MARCHF4: variants seen among roughly 807,000 people sequenced by gnomAD.
MARCHF4 encodes E3 ubiquitin-protein ligase MARCHF4.
In MARCHF4, 14 loss-of-function variants were observed where a neutral mutation model predicts 43.9. The ratio of observed to expected loss-of-function variants is 0.32; its 90% confidence interval spans 0.21 to 0.50. MARCHF4 has a LOEUF of 0.50. Ranked by LOEUF, MARCHF4 falls within the 20% of genes least tolerant of loss-of-function variation. The pLI, the probability that MARCHF4 is intolerant of heterozygous loss-of-function variation, is 0.98. For synonymous variants in MARCHF4, 226 were observed against 213.3 expected (o/e 1.06, Z -0.52); for missense variants, 468 against 536.7 (o/e 0.87, Z 1.27).
Position 216,259,447 on chromosome 2 carries a change from G to C in MARCHF4, c.1098C>G (p.Gly366=), listed in dbSNP as rs781678179. The change falls in exon 4 of 4, where the codon GGC becomes GGG. Residue 366 remains glycine (G), a synonymous_variant. Transcript: ENST00000273067. ...APEQGPAQAA[G]HPSGPLSHHH... ...GATGGGACAGAGGGCCTGAGGGGTG[G>C]CCGGCAGCCTGGGCAGGGCCCTGCT... 4.3e-6 allele frequency: 7 copies of C among 1,614,112 alleles called. No homozygotes were observed. The highest frequency in any genetic ancestry group is 4.2e-6 in the Non-Finnish European group (5 of 1,179,988).
At position 216,370,068 on chromosome 2, in the gene MARCHF4, G is replaced by T. The variant is rs1178938375; in HGVS notation, c.193C>A (p.His65Asn). Residue 65 changes from histidine to asparagine, a missense_variant, in exon 1 of 4, where the codon CAC becomes AAC. His to Asn is a moderately conservative substitution (Grantham distance 68). Coordinates refer to ENST00000273067, the MANE Select transcript of MARCHF4 (RefSeq NM_020814.3). Reference sequence around the variant, plus strand: ...AAACCGGGGGGCTGGGGGTCGCCGTGCATGGGCAGGGGCGCTTGAGGAGGG... The same window carrying T: ...AAACCGGGGGGCTGGGGGTCGCCGTTCATGGGCAGGGGCGCTTGAGGAGGG... ...RRPPQAPLPM[H>N]GDPQPPGLAA... 2.2e-5 allele frequency: 35 copies of T among 1,570,198 alleles called. No homozygotes were observed. The highest frequency in any genetic ancestry group is 3.0e-5 in the Non-Finnish European group (35 of 1,157,526).
chr2:216,371,658 G>C lies in MARCHF4; in HGVS notation c.-1398C>G, dbSNP rs928629567. On this transcript the variant is annotated 5_prime_UTR_variant, in exon 1 of 4. Coordinates refer to ENST00000273067, the MANE Select transcript of MARCHF4 (RefSeq NM_020814.3). ...AGCCCTGAGCCCCCGCGCCCGGGCAGCGCTGCCATGCAACCAGAGGCGAGG... is the reference window on the plus strand; with the variant it reads ...AGCCCTGAGCCCCCGCGCCCGGGCACCGCTGCCATGCAACCAGAGGCGAGG... 6.6e-6 allele frequency: 1 copy of C among 152,402 alleles called. No individual in the cohort carries two copies. Among genetic ancestry groups the C allele is most frequent in the Admixed American group, 6.5e-5 (1 of 15,294 alleles). The allele number at this position is 152,402 out of a possible 1,614,324, so 9.4% of individuals were successfully genotyped here. A position where few individuals can be genotyped will look rare whatever the true frequency, so the allele number is the denominator to read the frequency against.
chr2:216,356,883 C>T (rs989171873), intron 1 of MARCHF4, among the ~76,000 whole-genome samples: 16 of 151,878 alleles, frequency 1.1e-4, no homozygotes, highest in Non-Finnish European at 1.8e-4. Flanking sequence ...ATTAGCTGGG[C>T]GTGGTGGCAG....
chr2:216,346,367 A>G (rs922195612), intron 1 of MARCHF4, among the ~76,000 whole-genome samples: 1 of 151,588 alleles, frequency 6.6e-6, no homozygotes, highest in Admixed American at 6.6e-5. Context: ...TTTTGTGCAT[A>G]TAGTTAATGC....
intron 1 of MARCHF4, among the ~76,000 whole-genome samples, chr2:216,341,893 CAGA>C (rs1383746795): frequency 6.6e-6 from 1 of 152,144 alleles, no homozygotes; most frequent in Non-Finnish European, 1.5e-5. Context: ...CCAACCAGCA[CAGA>C]AGGACTGCAA....
intron 2 of MARCHF4, among the ~76,000 whole-genome samples, chr2:216,280,052 C>A (rs1006087270): frequency 1.3e-5 from 2 of 152,122 alleles, no homozygotes; most frequent in African/African-American, 2.4e-5. Flanking sequence ...AGCTGTGGAA[C>A]CTAAATGGGG....
chr2:216,354,891 T>TTCTCTTTC, intron 1 of MARCHF4, among the ~76,000 whole-genome samples: 2 of 86,790 alleles, frequency 2.3e-5, no homozygotes, highest in African/African-American at 9.2e-5. Flanking sequence ...TTAATAATTG[T>TTCTCTTTC]TTTCTTTCTT....
intron 1 of MARCHF4, among the ~76,000 whole-genome samples, chr2:216,309,451 G>A (rs909629925): frequency 3.3e-5 from 5 of 152,106 alleles, no homozygotes; most frequent in East Asian, 1.9e-4. Flanking sequence ...TTCAACTCAC[G>A]TGGTCCACGT....
At chr2:216,340,189 G>T (rs1302866145) in intron 1 of MARCHF4, among the ~76,000 whole-genome samples, 1 of 152,192 alleles carries the variant, frequency 6.6e-6, no homozygotes, top group Non-Finnish European at 1.5e-5. Context: ...AAAGCCTGCT[G>T]CCAGATTCCT....
At chr2:216,334,856 C>T (rs545519903) in intron 1 of MARCHF4, among the ~76,000 whole-genome samples, 12 of 152,256 alleles carry the variant, frequency 7.9e-5, no homozygotes, top group African/African-American at 2.2e-4. Context: ...CCAAATAGCC[C>T]GTTAATGGAA....
intron 1 of MARCHF4, among the ~76,000 whole-genome samples, chr2:216,363,658 G>A (rs949955045): frequency 2.0e-5 from 3 of 152,152 alleles, no homozygotes; most frequent in Non-Finnish European, 4.4e-5. Flanking sequence ...TTCCCAGGAT[G>A]GTTTTGTATC....
intron 1 of MARCHF4, among the ~76,000 whole-genome samples, chr2:216,287,524 T>C (rs1370999228): frequency 6.6e-6 from 1 of 151,114 alleles, no homozygotes; most frequent in Non-Finnish European, 1.5e-5. Context: ...TCTAATCATC[T>C]GGCCCCCAAG....
intron 1 of MARCHF4, among the ~76,000 whole-genome samples, chr2:216,345,779 C>G (rs116432571): frequency 4.6e-5 from 7 of 152,194 alleles, no homozygotes; most frequent in South Asian, 2.1e-4. Flanking sequence ...TACCCCAGAT[C>G]TGAGAAATCA....
chr2:216,335,143 A>C (rs970687346), intron 1 of MARCHF4, among the ~76,000 whole-genome samples: 2 of 152,266 alleles, frequency 1.3e-5, no homozygotes, highest in Admixed American at 1.3e-4. Context: ...GACAGACTAG[A>C]ATCACCAAAT....
rs189269757 is a variant in MARCHF4, at chr2:216,269,458, G to A, written c.865+8214C>T. ...TTCTCATTGAGGGGACATAGGTGAG[G>A]GAACAAAGAACCTTCAAGAAAAAGC... On this transcript the variant is annotated intron_variant, in intron 3 of 3. Transcript: ENST00000273067. Among the ~76,000 whole-genome samples, 4 of 152,224 alleles carry A rather than the reference G, an allele frequency of 2.6e-5. 1 individual carries two copies. Among genetic ancestry groups the A allele is most frequent in the African/African-American group, 9.6e-5 (4 of 41,540 alleles).
chr2:216,333,578 A>T (rs1471475785), intron 1 of MARCHF4, among the ~76,000 whole-genome samples: 1 of 152,210 alleles, frequency 6.6e-6, no homozygotes, highest in Non-Finnish European at 1.5e-5. Flanking sequence ...GGTGCCACGA[A>T]AATCACACAT....
intron 1 of MARCHF4, among the ~76,000 whole-genome samples, chr2:216,337,347 G>C (rs908821874): frequency 1.3e-5 from 2 of 152,160 alleles, no homozygotes; most frequent in African/African-American, 4.8e-5. Context: ...AAGCACATTT[G>C]ATGTCTTGAA....
chr2:216,369,496 G>A lies in MARCHF4; in HGVS notation c.516+249C>T, dbSNP rs369561480. On this transcript the variant is annotated intron_variant, in intron 1 of 3. Coordinates refer to ENST00000273067, the MANE Select transcript of MARCHF4 (RefSeq NM_020814.3). ...GAGGATGTTTGTAAAATTTGGAGTT[G>A]GAATTGGAGACACTAGCATTGGAAG... Among the ~76,000 whole-genome samples the A allele has an allele frequency of 2.9e-4, 44 of 152,244 alleles. No individual in the cohort carries two copies. In the East Asian group the frequency reaches 7.5e-3, roughly 26 times the overall value.
chr2:216,300,577 TTC>T (rs1691478614), intron 1 of MARCHF4, among the ~76,000 whole-genome samples: 1 of 151,900 alleles, frequency 6.6e-6, no homozygotes, highest in Non-Finnish European at 1.5e-5. Flanking sequence ...AACTCCTGGG[TTC>T]AAGCAATCCA....
Sources: gnomAD v4.1 joint callset for allele counts (sites outside exome capture counted in the v4.1 genomes callset) on GRCh38, gnomAD v4.1.1 for gene constraint, MANE v1.5 for transcripts, NCBI Gene and HGNC (gene_info 2026-07-23, HGNC 2026-07-21) for gene names.